BCL2L13: variants seen among roughly 807,000 people sequenced by gnomAD.
The protein encoded by BCL2L13 is bcl-2-like protein 13.
A neutral mutation model predicts 25.8 loss-of-function variants in BCL2L13; 13 were observed. The observed-to-expected ratio is 0.50, with a 90% CI of 0.33 to 0.80. The LOEUF (loss-of-function observed/expected upper bound fraction) is 0.80. Among genes scored for constraint, BCL2L13 ranks in the 30% least tolerant of loss-of-function variants. BCL2L13 has a pLI of 0.02. For missense variants in BCL2L13, 504 were observed against 574.9 expected, an observed-to-expected ratio of 0.88 and a Z score of 1.26; for synonymous variants, 244 against 230.3, an observed-to-expected ratio of 1.06 and a Z score of -0.54.
At position 17,638,796 on chromosome 22, in the gene BCL2L13, G is replaced by A. The variant is rs781586997; in HGVS notation, c.-141G>A. ...CGGCGGCGGTAGATTAGGGCCGCGG[G>A]TCGGAGCACTCACCGCCGCTGGGGG... On this transcript the variant is annotated 5_prime_UTR_variant, in exon 1 of 7. Transcript: ENST00000317582. 8.1e-7 allele frequency: 1 copy of A among 1,231,922 alleles called. No homozygotes were observed. Among genetic ancestry groups the A allele is most frequent in the Non-Finnish European group, 1.0e-6 (1 of 988,126 alleles). The allele number at this position is 1,231,922 out of a possible 1,614,324, so 76.3% of individuals were successfully genotyped here.
At chr22:17,685,475 C>T (rs1357036917) in intron 3 of BCL2L13, among the ~76,000 whole-genome samples, 3 of 151,780 alleles carry the variant, frequency 2.0e-5, no homozygotes, top group African/African-American at 4.8e-5. Flanking sequence ...CCACCTGTCT[C>T]GGCCTCCCAG....
At chr22:17,671,626 C>T (rs1040193457) in intron 2 of BCL2L13, among the ~76,000 whole-genome samples, 7 of 151,622 alleles carry the variant, frequency 4.6e-5, no homozygotes, top group Non-Finnish European at 8.8e-5. Context: ...ACATTTGTTT[C>T]GCCATGTTCC....
intron 1 of BCL2L13, among the ~76,000 whole-genome samples, chr22:17,649,749 C>T (rs1232672816): frequency 3.3e-5 from 5 of 149,452 alleles, no homozygotes; most frequent in Admixed American, 6.7e-5. Flanking sequence ...GTGATGCACC[C>T]GCCTCGGCCT....
At position 17,630,337 on chromosome 22, in the gene BCL2L13, C is replaced by T. The variant is rs570531424; in HGVS notation, c.-650+1332C>T. ...CTCTGTCGCCCAGGCTGCAGTGCAA[C>T]GGCATGGTGTCAGCTCACTACAACC... is the stretch of plus-strand genomic sequence containing the variant. On this transcript the variant is annotated intron_variant, in intron 1 of 6. Transcript: ENST00000399782. Among the ~76,000 whole-genome samples the T allele has an allele frequency of 4.2e-4, 64 of 150,690 alleles. No individual in the cohort carries two copies. In the South Asian group the frequency reaches 0.011, roughly 25 times the overall value.
At chr22:17,679,546 A>G (rs1458013606) in intron 2 of BCL2L13, among the ~76,000 whole-genome samples, 2 of 151,744 alleles carry the variant, frequency 1.3e-5, no homozygotes, top group African/African-American at 4.8e-5. Context: ...CTGGGATTAC[A>G]GGCGTGAGCC....
chr22:17,651,881 A>G (rs376469663), intron 1 of BCL2L13, among the ~76,000 whole-genome samples: 12 of 152,096 alleles, frequency 7.9e-5, no homozygotes, highest in African/African-American at 2.6e-4. Flanking sequence ...TAGTAGAGAC[A>G]GGGCTTCACT....
At position 17,702,272 on chromosome 22, in the gene BCL2L13, A is replaced by T; in HGVS notation, c.486A>T (p.Gln162His). 1 of 1,608,766 alleles carries T rather than the reference A, an allele frequency of 6.2e-7. No homozygotes were observed. Among genetic ancestry groups the T allele is most frequent in the African/African-American group, 1.3e-5 (1 of 74,718 alleles). Residue 162 changes from glutamine to histidine, a missense_variant, in exon 6 of 7, where the codon CAA (glutamine) becomes CAT (histidine). Gln to His is a conservative substitution (Grantham distance 24). Coordinates refer to ENST00000317582, the MANE Select transcript of BCL2L13 (RefSeq NM_015367.4). ...KILVPLVLLR[Q>H]MLLELTRRGQ... Reference sequence around the variant, plus strand: ...TGGTGCCTCTGGTTTTGCTACGACAAATGCTTTTGGAATTGACAAGACGTG... The same window carrying T: ...TGGTGCCTCTGGTTTTGCTACGACATATGCTTTTGGAATTGACAAGACGTG...
rs188875068 is a variant in BCL2L13, at chr22:17,632,104, A to G, written c.-650+3099A>G. On this transcript the variant is annotated intron_variant, in intron 1 of 6. Coordinates refer to the BCL2L13 transcript ENST00000399782. ...TGTACAATGTTCCTTGTACTGTATG[A>G]CAGATTGGTATACATATTTGGTATA... Among the ~76,000 whole-genome samples, 7 of 152,242 alleles carry G rather than the reference A, an allele frequency of 4.6e-5. No homozygotes were observed. The East Asian group carries it at 1.4e-3, about 29-fold the overall frequency.
chr22:17,638,591 G>T (rs1333703614), upstream of BCL2L13: 1 of 1,010,116 alleles, frequency 9.9e-7, no homozygotes. Context: ...GTCGCAATCA[G>T]ATTTGGGCGG....
rs1157875425 is a variant in BCL2L13, at chr22:17,726,894, C to T, written c.818C>T (p.Pro273Leu). 1 of 1,614,218 alleles carries T rather than the reference C, an allele frequency of 6.2e-7. No individual in the cohort carries two copies. The highest frequency in any genetic ancestry group is 1.1e-5 in the South Asian group (1 of 91,076). The change falls in exon 7 of 7, where the codon CCT (proline) becomes CTT (leucine). Residue 273 changes from proline to leucine, a missense_variant. Physicochemically the swap from Pro to Leu is moderately conservative, Grantham distance 98. Coordinates refer to ENST00000317582, the MANE Select transcript of BCL2L13 (RefSeq NM_015367.4). The part of the protein sequence containing the change: ...HTESLPVSLG[P>L]ESWQQIAMDP... The stretch of plus-strand genomic sequence containing the variant: ...GAAAGCCTGCCAGTGTCACTAGGCC[C>T]TGAGTCCTGGCAGCAGATTGCAATG...
In BCL2L13 at chr22:17,646,525, A is replaced by G. The variant is rs531682271; in HGVS notation, c.-51+7639A>G. Among the ~76,000 whole-genome samples the G allele has an allele frequency of 2.0e-5, 3 of 151,270 alleles. No individual in the cohort carries two copies. The South Asian group carries it at 6.2e-4, about 31-fold the overall frequency. ...CACCCTCCCAAAGTGCTGGGATTAC[A>G]GGCATGAGCCACTGCGCCTGGCCAA... On this transcript the variant is annotated intron_variant, in intron 1 of 6. Coordinates refer to ENST00000317582, the MANE Select transcript of BCL2L13 (RefSeq NM_015367.4).
At chr22:17,653,972 C>T (rs2058767673) in intron 1 of BCL2L13, among the ~76,000 whole-genome samples, 2 of 151,948 alleles carry the variant, frequency 1.3e-5, no homozygotes, top group Admixed American at 1.3e-4. Flanking sequence ...TTTTTGGTTT[C>T]CTATGAAAAC....
chr22:17,634,149 G>A (rs1020298310), upstream of BCL2L13, among the ~76,000 whole-genome samples: 1 of 151,930 alleles, frequency 6.6e-6, no homozygotes, highest in South Asian at 2.1e-4. Flanking sequence ...CCAGTCCCTT[G>A]TCTGTTTCAG....
chr22:17,656,251 A>AC (rs796239379), intron 2 of BCL2L13, among the ~76,000 whole-genome samples: 1 of 150,056 alleles, frequency 6.7e-6, no homozygotes, highest in East Asian at 2.0e-4. Flanking sequence ...AAAAAAAAAA[A>AC]ATATACACAA....
chr22:17,715,538 C>A (rs1479252330), intron 6 of BCL2L13, among the ~76,000 whole-genome samples: 1 of 151,960 alleles, frequency 6.6e-6, no homozygotes, highest in Non-Finnish European at 1.5e-5. Context: ...TGTATTGAAT[C>A]CTGTGAGGCA....
At chr22:17,675,590 C>CT (rs1432277024) in intron 2 of BCL2L13, among the ~76,000 whole-genome samples, 1 of 152,128 alleles carries the variant, frequency 6.6e-6, no homozygotes, top group Non-Finnish European at 1.5e-5. Context: ...CTTAAAAGCA[C>CT]GTTCATTCAC....
chr22:17,694,990 C>A (rs537951208), intron 4 of BCL2L13, among the ~76,000 whole-genome samples: 1 of 152,204 alleles, frequency 6.6e-6, no homozygotes, highest in African/African-American at 2.4e-5. Context: ...AGTGACTTCA[C>A]GAGAGAAAAG....
chr22:17,632,322 A>G (rs974035034), intron 1 of BCL2L13, among the ~76,000 whole-genome samples: 3 of 152,190 alleles, frequency 2.0e-5, no homozygotes, highest in Admixed American at 2.0e-4. Context: ...AATGCTGGAT[A>G]AAGGAAGGAT....
intron 3 of BCL2L13, among the ~76,000 whole-genome samples, chr22:17,685,789 T>G (rs2059917826): frequency 8.2e-6 from 1 of 122,452 alleles, no homozygotes; most frequent in Admixed American, 8.4e-5. Context: ...TTTTTTTTTT[T>G]GAGACAAAGT....
Sources: allele counts gnomAD v4.1 joint callset (sites outside exome capture counted in the v4.1 genomes callset), GRCh38; gene constraint gnomAD v4.1.1; transcripts MANE v1.5; gene names NCBI Gene and HGNC (gene_info 2026-07-23, HGNC 2026-07-21).